The following EPCAM variants were observed in gnomAD, a reference collection of about 807,000 sequenced individuals.
EPCAM encodes epithelial cell adhesion molecule.
Under a neutral mutation model 40.0 loss-of-function variants are expected in EPCAM, and 39 were observed. The ratio of observed to expected loss-of-function variants is 0.98; its 90% CI spans 0.76 to 1.27. The LOEUF (loss-of-function observed/expected upper bound fraction) is 1.27, where lower values mean the gene tolerates loss of function less well. EPCAM is among the 50% of genes most tolerant of loss of function. EPCAM has a pLI of 0.00. For missense variants in EPCAM, 503 were observed against 381.2 expected, an observed-to-expected ratio of 1.32 and a Z score of -2.66; for synonymous variants, 168 against 132.3, an observed-to-expected ratio of 1.27 and a Z score of -1.85.
In EPCAM at chr2:47,374,040, G is replaced by A; in HGVS notation, c.417G>A (p.Val139=). ...CTGAAATAACCTGCTCTGAGCGAGT[G>A]AGAACCTAGTGAGTGGGGCTGCCTA... ...KDTEITCSER[V]RTYWIIIELK... The change falls in exon 3 of 9, where the codon GTG becomes GTA. Residue 139 remains valine (V), a synonymous_variant. Transcript: ENST00000263735. 6.2e-7 allele frequency: 1 copy of A among 1,614,192 alleles called. No homozygotes were observed. The highest frequency in any genetic ancestry group is 8.5e-7 in the Non-Finnish European group (1 of 1,180,028).
Position 47,379,035 on chromosome 2 carries a change from C to G in EPCAM, c.638C>G (p.Ala213Gly), listed in dbSNP as rs767811939. 6.3e-7 allele frequency: 1 copy of G among 1,587,806 alleles called. No individual in the cohort carries two copies. ...AATGATGTGGACATAGCTGATGTGGCTTATTATTTTGAAAAAGATGTGAGT... is the reference window on the plus strand; with the variant it reads ...AATGATGTGGACATAGCTGATGTGGGTTATTATTTTGAAAAAGATGTGAGT... ...TQNDVDIADV[A>G]YYFEKDVKGE... Residue 213 changes from alanine (A) to glycine (G), a missense_variant, in exon 6 of 9, where the codon GCT becomes GGT. Physicochemically the swap from Ala to Gly is moderately conservative, Grantham distance 60. Transcript: ENST00000263735.
At chr2:47,381,882 C>T (rs1320773636) in intron 7 of EPCAM, among the ~76,000 whole-genome samples, 1 of 152,124 alleles carries the variant, frequency 6.6e-6, no homozygotes, top group Admixed American at 6.5e-5. Context: ...TCCTCCTGAC[C>T]TATCCTCCCA....
At chr2:47,374,593 G>T (rs976398278) in intron 3 of EPCAM, among the ~76,000 whole-genome samples, 1 of 151,860 alleles carries the variant, frequency 6.6e-6, no homozygotes, top group Non-Finnish European at 1.5e-5. Context: ...CTGGAGCCTC[G>T]TTGTCAGTTT....
chr2:47,373,091 G>A (rs1325551855), intron 1 of EPCAM, among the ~76,000 whole-genome samples: 3 of 151,402 alleles, frequency 2.0e-5, no homozygotes, highest in Admixed American at 6.6e-5. Flanking sequence ...TGTAGTCCCA[G>A]CTACTTGGGA....
chr2:47,382,231 AAAG>A, intron 7 of EPCAM, among the ~76,000 whole-genome samples: 1 of 152,354 alleles, frequency 6.6e-6, no homozygotes, highest in South Asian at 2.1e-4. Context: ...GAGGAAACCT[AAAG>A]AAAGAATGAC....
chr2:47,375,267 A>G lies in EPCAM; in HGVS notation c.459A>G (p.Arg153=), dbSNP rs878854489. The change falls in exon 4 of 9, where the codon AGA becomes AGG. Residue 153 remains arginine, a synonymous_variant. Transcript: ENST00000263735. Reference sequence around the variant, plus strand: ...TCATTGAACTAAAACACAAAGCAAGAGAAAAACCTTATGATAGTAAAAGTT... The same window carrying G: ...TCATTGAACTAAAACACAAAGCAAGGGAAAAACCTTATGATAGTAAAAGTT... ...WIIIELKHKA[R]EKPYDSKSLR... The G allele has an allele frequency of 6.2e-7, 1 of 1,612,656 alleles. No homozygotes were observed.
intron 3 of EPCAM, among the ~76,000 whole-genome samples, chr2:47,374,640 T>A (rs1236903483): frequency 6.6e-6 from 1 of 152,038 alleles, no homozygotes; most frequent in Non-Finnish European, 1.5e-5. Context: ...TTCTTTTTTC[T>A]TTTCTTTTCT....
intron 5 of EPCAM, 22 bp from the exon 6 acceptor site, chr2:47,378,931 A>G (rs1671499917): frequency 1.0e-6 from 1 of 973,108 alleles, no homozygotes; most frequent in Admixed American, 1.7e-5. Flanking sequence ...ATTAATTTGT[A>G]TTATTCAATT....
chr2:47,374,385 G>A (rs1450118409), intron 3 of EPCAM, among the ~76,000 whole-genome samples: 1 of 152,054 alleles, frequency 6.6e-6, no homozygotes, highest in Non-Finnish European at 1.5e-5. Context: ...AGTAGTAAAT[G>A]TATGTAATTT....
intron 3 of EPCAM, 26 bp from the exon 4 acceptor site, chr2:47,375,208 A>G (rs375068308): frequency 6.8e-5 from 104 of 1,523,252 alleles, no homozygotes; most frequent in Middle Eastern, 1.8e-4. Context: ...GTTATAGTCA[A>G]CTGACATTGT....
At chr2:47,385,305 T>C in intron 8 of EPCAM, 95 bp downstream of exon 8, 1 of 1,001,852 alleles carries the variant, frequency 1.0e-6, no homozygotes, top group South Asian at 1.3e-5. Context: ...TCAGTTATAC[T>C]GGAGTCCCTT....
At chr2:47,373,666 A>C in intron 2 of EPCAM, 96 bp downstream of exon 2, 2 of 1,444,864 alleles carry the variant, frequency 1.4e-6, no homozygotes, top group Non-Finnish European at 1.9e-6. Context: ...ATTGGCTTAA[A>C]TCTGAATCAT....
chr2:47,377,671 A>G (rs1415591328), intron 5 of EPCAM: 1 of 325,024 alleles, frequency 3.1e-6, no homozygotes, highest in Non-Finnish European at 6.2e-6. Context: ...GTCCCTGTGG[A>G]TGAGCTCCAG....
At chr2:47,385,612 ACTAGT>A (rs1235423331) in intron 8 of EPCAM, among the ~76,000 whole-genome samples, 1 of 152,186 alleles carries the variant, frequency 6.6e-6, no homozygotes, top group Non-Finnish European at 1.5e-5. Flanking sequence ...TTGTGTACTA[ACTAGT>A]CTATACTAGT....
chr2:47,375,137 T>A, intron 3 of EPCAM, 97 bp from the exon 4 acceptor site: 2 of 893,818 alleles, frequency 2.2e-6, no homozygotes, highest in Non-Finnish European at 3.6e-6. Flanking sequence ...TTTTTTCTCT[T>A]AGTCCTTATA....
chr2:47,373,641 G>T (rs1222336936), intron 2 of EPCAM, 71 bp downstream of exon 2: 3 of 1,431,082 alleles, frequency 2.1e-6, no homozygotes, highest in Non-Finnish European at 2.9e-6. Flanking sequence ...TGTGCCTTGA[G>T]TTGGAAAGAG....
intron 1 of EPCAM, among the ~76,000 whole-genome samples, chr2:47,371,751 G>A (rs970822269): frequency 6.6e-6 from 1 of 152,150 alleles, no homozygotes; most frequent in African/African-American, 2.4e-5. Flanking sequence ...AGATTTAAAC[G>A]CTTGAGAACA....
chr2:47,370,306 C>T (rs1251687481), intron 1 of EPCAM, among the ~76,000 whole-genome samples: 1 of 152,198 alleles, frequency 6.6e-6, no homozygotes, highest in African/African-American at 2.4e-5. Flanking sequence ...GAGTCTTGCT[C>T]TGTCGCCCAA....
intron 7 of EPCAM, among the ~76,000 whole-genome samples, chr2:47,380,876 A>G (rs13025438): frequency 0.33 from 48,867 of 150,340 alleles, 8,344 homozygotes; most frequent in East Asian, 0.56. Flanking sequence ...ATCACTTGAG[A>G]TCAGAAGTTC....
Sources: allele counts gnomAD v4.1 joint callset (sites outside exome capture counted in the v4.1 genomes callset), GRCh38; gene constraint gnomAD v4.1.1; transcripts MANE v1.5; gene names NCBI Gene and HGNC (gene_info 2026-07-23, HGNC 2026-07-21).